UGGT2: variants seen among roughly 807,000 people sequenced by gnomAD.
UGGT2 encodes the protein UDP-glucose:glycoprotein glucosyltransferase 2.
UGGT2 carries 180 observed loss-of-function variants against 192.1 expected under a neutral mutation model. That is an observed-to-expected ratio of 0.94 (90% CI 0.83 to 1.06). UGGT2 has a LOEUF of 1.06. UGGT2 is among the 50% of genes least tolerant of loss of function. The pLI is 0.00. For missense variants in UGGT2, 1,849 were observed against 1,795.7 expected (o/e 1.03, Z -0.54); for synonymous variants, 580 against 591.0 (o/e 0.98, Z 0.27).
Position 95,853,535 on chromosome 13 carries a change from T to C in UGGT2, c.4284+8A>G, listed in dbSNP as rs745948577. ...CACTCAAAATTATTCTGTTAACATT[T>C]TACTTACCTGATCTAGGTTTGAAAG... On this transcript the variant is annotated splice_region_variant and intron_variant, in intron 36 of 38. Coordinates refer to ENST00000376747, the MANE Select transcript of UGGT2 (RefSeq NM_020121.4). 6.2e-7 allele frequency: 1 copy of C among 1,610,908 alleles called. No individual in the cohort carries two copies. The highest frequency in any genetic ancestry group is 2.2e-5 in the East Asian group (1 of 44,778).
At chr13:95,902,816 CAATA>C in intron 21 of UGGT2, 34 bp downstream of exon 21, 1 of 1,539,408 alleles carries the variant, frequency 6.5e-7, no homozygotes, top group South Asian at 1.2e-5. Context: ...TTAAAATATG[CAATA>C]CATACATATT....
At chr13:95,862,871 T>C (rs1368375752) in intron 31 of UGGT2, among the ~76,000 whole-genome samples, 2 of 152,122 alleles carry the variant, frequency 1.3e-5, no homozygotes, top group Non-Finnish European at 2.9e-5. Context: ...CTTATGTATG[T>C]TTCTTTTTCG....
chr13:95,993,684 T>A (rs2140908441), intron 7 of UGGT2, among the ~76,000 whole-genome samples: 1 of 152,298 alleles, frequency 6.6e-6, no homozygotes, highest in African/African-American at 2.4e-5. Flanking sequence ...CCATATAAAT[T>A]AGCATAGTCT....
intron 4 of UGGT2, among the ~76,000 whole-genome samples, chr13:96,020,713 C>T (rs1203508209): frequency 1.3e-5 from 2 of 152,066 alleles, no homozygotes; most frequent in African/African-American, 2.4e-5. Flanking sequence ...AAGTATTGAC[C>T]TTTTTCTTCT....
At chr13:95,803,628 T>C (rs1478961028) in intron 38 of UGGT2, among the ~76,000 whole-genome samples, 3 of 152,034 alleles carry the variant, frequency 2.0e-5, no homozygotes, top group Non-Finnish European at 4.4e-5. Flanking sequence ...TTTGGGGTGG[T>C]GTACAGGATG....
intron 1 of UGGT2, among the ~76,000 whole-genome samples, chr13:96,043,307 A>G (rs893295565): frequency 6.6e-6 from 1 of 152,158 alleles, no homozygotes; most frequent in African/African-American, 2.4e-5. Context: ...TTTTCCAGAC[A>G]AAAAAATGCT....
At chr13:96,034,919 C>G (rs996077147) in intron 1 of UGGT2, among the ~76,000 whole-genome samples, 3 of 152,198 alleles carry the variant, frequency 2.0e-5, no homozygotes, top group Admixed American at 1.3e-4. Flanking sequence ...CGAGCATAGC[C>G]TGCCAGGCCG....
intron 10 of UGGT2, among the ~76,000 whole-genome samples, chr13:95,973,977 A>G (rs760859491): frequency 1.3e-5 from 2 of 152,222 alleles, no homozygotes; most frequent in Non-Finnish European, 2.9e-5. Flanking sequence ...CAACCAGTGT[A>G]TTTCAACATC....
intron 38 of UGGT2, among the ~76,000 whole-genome samples, chr13:95,814,840 A>G (rs1390922101): frequency 6.6e-6 from 1 of 152,200 alleles, no homozygotes; most frequent in Non-Finnish European, 1.5e-5. Context: ...AGAAAATTTC[A>G]GGAAATTAAA....
In UGGT2 at chr13:96,031,888, C is replaced by T. The variant is rs1489721327; in HGVS notation, c.241+1G>A. On this transcript the variant is annotated splice_donor_variant, in intron 2 of 38. Coordinates refer to ENST00000376747, the MANE Select transcript of UGGT2 (RefSeq NM_020121.4). LOFTEE classifies it high-confidence loss of function. ...CAAGTTAAAATTTACATATCACCTA[C>T]CTGTTTGCTTATAAATTGCTAATTC... The T allele has an allele frequency of 8.1e-6, 13 of 1,603,560 alleles. No homozygotes were observed. Among genetic ancestry groups the T allele is most frequent in the Non-Finnish European group, 1.1e-5 (13 of 1,174,234 alleles).
intron 9 of UGGT2, among the ~76,000 whole-genome samples, chr13:95,984,361 A>T (rs1247727226): frequency 6.6e-6 from 1 of 151,964 alleles, no homozygotes; most frequent in Non-Finnish European, 1.5e-5. Flanking sequence ...ACAGAGTCTC[A>T]CTCTTCTACC....
chr13:95,989,922 A>C, intron 8 of UGGT2, 51 bp downstream of exon 8: 2 of 1,274,466 alleles, frequency 1.6e-6, no homozygotes, highest in South Asian at 1.4e-5. Context: ...TTATTTAACA[A>C]AACAGATCAG....
intron 12 of UGGT2, among the ~76,000 whole-genome samples, chr13:95,951,330 G>A (rs914646236): frequency 1.3e-5 from 2 of 152,296 alleles, no homozygotes; most frequent in East Asian, 3.8e-4. Context: ...GCAGTTAGAA[G>A]AAAGAATTAA....
At chr13:95,927,851 G>C (rs1018748477) in intron 17 of UGGT2, among the ~76,000 whole-genome samples, 1 of 152,066 alleles carries the variant, frequency 6.6e-6, no homozygotes, top group Non-Finnish European at 1.5e-5. Context: ...CTTGAGATTC[G>C]GGAGTGGTGA....
intron 4 of UGGT2, among the ~76,000 whole-genome samples, chr13:96,017,177 G>A (rs2052365050): frequency 6.6e-6 from 1 of 152,174 alleles, no homozygotes; most frequent in South Asian, 2.1e-4. Flanking sequence ...AAGCAGATGA[G>A]TCTCAGATGG....
chr13:95,884,480 C>T lies in UGGT2; in HGVS notation c.3228+11G>A. ...TTCTCTCTCTTTATATGACTATACA[C>T]AATAACTTACATCCTTTAAGTGAAT... On this transcript the variant is annotated intron_variant, in intron 27 of 38. Transcript: ENST00000376747. 1 of 1,599,120 alleles carries T rather than the reference C, an allele frequency of 6.3e-7. No individual in the cohort carries two copies. Among genetic ancestry groups the T allele is most frequent in the East Asian group, 2.2e-5 (1 of 44,732 alleles).
chr13:95,820,553 A>G (rs1885404294), intron 38 of UGGT2, among the ~76,000 whole-genome samples: 1 of 152,202 alleles, frequency 6.6e-6, no homozygotes, highest in Non-Finnish European at 1.5e-5. Flanking sequence ...AGACAAGACT[A>G]CCAGCACATA....
At chr13:96,044,993 GA>G (rs760595479) in intron 1 of UGGT2, among the ~76,000 whole-genome samples, 13 of 152,074 alleles carry the variant, frequency 8.5e-5, no homozygotes, top group Non-Finnish European at 1.5e-4. Context: ...ATCATTCTAT[GA>G]AGCCAGTATC....
chr13:96,044,828 G>A (rs9562015), intron 1 of UGGT2, among the ~76,000 whole-genome samples: 60,766 of 151,840 alleles, frequency 0.4, 12,352 homozygotes, highest in Middle Eastern at 0.44. Context: ...CAGAACAATA[G>A]TAAGCAGCGA....
Sources: allele counts gnomAD v4.1 joint callset (sites outside exome capture counted in the v4.1 genomes callset), GRCh38; gene constraint gnomAD v4.1.1; transcripts MANE v1.5; gene names NCBI Gene and HGNC (gene_info 2026-07-23, HGNC 2026-07-21).